MED15: variants seen among roughly 807,000 people sequenced by gnomAD.
MED15 encodes the protein mediator complex subunit 15.
MED15 carries 41 observed loss-of-function variants against 118.7 expected under a neutral mutation model. The observed-to-expected ratio is 0.35, with a 90% confidence interval of 0.27 to 0.45. MED15 has a LOEUF of 0.45. Among genes scored for constraint, MED15 ranks in the 20% least tolerant of loss-of-function variants. The pLI is 1.00. For synonymous variants in MED15, 436 were observed against 413.9 expected, an observed-to-expected ratio of 1.05 and a Z score of -0.65; for missense variants, 740 against 1,025.5, an observed-to-expected ratio of 0.72 and a Z score of 3.80.
intron 8 of MED15, among the ~76,000 whole-genome samples, chr22:20,572,283 G>A (rs1390517810): frequency 1.3e-5 from 2 of 152,222 alleles, no homozygotes; most frequent in East Asian, 1.9e-4. Context: ...TGGTGACCAC[G>A]TGTTGCAGCT....
intron 17 of MED15, 66 bp downstream of exon 17, chr22:20,585,892 C>T: frequency 6.8e-7 from 1 of 1,475,960 alleles, no homozygotes. Flanking sequence ...GAAAACCAGG[C>T]TTCCACTGCA....
chr22:20,517,509 C>T (rs953663015), intron 1 of MED15, among the ~76,000 whole-genome samples: 2 of 152,172 alleles, frequency 1.3e-5, no homozygotes, highest in African/African-American at 4.8e-5. Flanking sequence ...CTGCTGCCCC[C>T]ACCACCCTGC....
chr22:20,534,001 G>A (rs909358432), intron 1 of MED15, among the ~76,000 whole-genome samples: 2 of 152,104 alleles, frequency 1.3e-5, no homozygotes, highest in Non-Finnish European at 2.9e-5. Context: ...TCTCAAAAAC[G>A]GCCAGTAGCA....
At chr22:20,566,228 C>A (rs1159032263) in intron 6 of MED15, among the ~76,000 whole-genome samples, 2 of 151,824 alleles carry the variant, frequency 1.3e-5, no homozygotes, top group East Asian at 3.9e-4. Flanking sequence ...TTAGTAGAGA[C>A]GGGGTTTCGC....
At chr22:20,554,799 T>G in intron 4 of MED15, 137 bp from the exon 5 acceptor site, 1 of 817,626 alleles carries the variant, frequency 1.2e-6, no homozygotes. Context: ...AGGAGCCTAG[T>G]CTCTTACTGC....
chr22:20,520,366 G>A (rs545740268), intron 1 of MED15, among the ~76,000 whole-genome samples: 1 of 152,218 alleles, frequency 6.6e-6, no homozygotes, highest in Non-Finnish European at 1.5e-5. Context: ...AGCCCCTGTT[G>A]TGAAGTAGAA....
intron 1 of MED15, chr22:20,508,199 G>A: frequency 8.2e-7 from 1 of 1,221,596 alleles, no homozygotes; most frequent in Non-Finnish European, 1.1e-6. Context: ...TGGGAAGGTA[G>A]TTGTTTGGGG....
intron 2 of MED15, among the ~76,000 whole-genome samples, chr22:20,546,522 T>G (rs1215317162): frequency 6.6e-6 from 1 of 150,950 alleles, no homozygotes; most frequent in African/African-American, 2.4e-5. Context: ...TTTTTTTTTT[T>G]TTGTCAAGAA....
At chr22:20,548,904 T>G (rs1419892099) in intron 2 of MED15, among the ~76,000 whole-genome samples, 2 of 152,176 alleles carry the variant, frequency 1.3e-5, no homozygotes, top group African/African-American at 4.8e-5. Flanking sequence ...TCTCCCAGGC[T>G]CAAGCCTCAG....
At chr22:20,530,535 T>C (rs1440790318) in intron 1 of MED15, among the ~76,000 whole-genome samples, 1 of 144,438 alleles carries the variant, frequency 6.9e-6, no homozygotes, top group Non-Finnish European at 1.5e-5. Context: ...CATTCAGCAA[T>C]GGGAAAGCAG....
chr22:20,516,679 C>T (rs539744717), intron 1 of MED15, among the ~76,000 whole-genome samples: 8 of 148,456 alleles, frequency 5.4e-5, no homozygotes, highest in East Asian at 1.9e-4. Flanking sequence ...ACCATGACCA[C>T]GTGATTATCT....
intron 2 of MED15, among the ~76,000 whole-genome samples, chr22:20,544,221 C>T (rs77937663): frequency 0.015 from 2,328 of 152,286 alleles, 60 homozygotes; most frequent in African/African-American, 0.054. Context: ...TAGGCCTTTT[C>T]TATCATGCTT....
At chr22:20,569,625 G>A (rs900256743) in intron 8 of MED15, among the ~76,000 whole-genome samples, 1 of 149,366 alleles carries the variant, frequency 6.7e-6, no homozygotes, top group African/African-American at 2.4e-5. Context: ...TAAGTCCCTG[G>A]GAAGCTGCCT....
chr22:20,537,087 G>T, intron 1 of MED15, 30 bp from the exon 2 acceptor site: 2 of 1,604,448 alleles, frequency 1.2e-6, no homozygotes, highest in Non-Finnish European at 1.7e-6. Context: ...ACTGGTGTGT[G>T]CAAACGTCTC....
At position 20,543,263 on chromosome 22, in the gene MED15, G is replaced by A. The variant is rs561792415; in HGVS notation, c.156+6059G>A. On this transcript the variant is annotated intron_variant, in intron 2 of 17. Transcript: ENST00000263205. Reference sequence around the variant, plus strand: ...GTCTCACTCTCTCGCCCAGGCTGGAGTGCAGTGGCGTGATCTCAGGTCATT... The same window carrying A: ...GTCTCACTCTCTCGCCCAGGCTGGAATGCAGTGGCGTGATCTCAGGTCATT... 1.7e-4 allele frequency among the ~76,000 whole-genome samples: 23 copies of A among 138,178 alleles called. 1 individual carries two copies. Among genetic ancestry groups the A allele is most frequent in the African/African-American group, 6.4e-4 (23 of 35,756 alleles). 90.7% of individuals were successfully genotyped at this position (138,178 alleles called of 152,430 possible).
At position 20,554,979 on chromosome 22, in the gene MED15, G is replaced by A. The variant is rs759898076; in HGVS notation, c.282G>A (p.Ala94=). ...ALQSLTGGPA[A]GAAGIGMPPR... ...AGAGCCTGACTGGCGGACCTGCTGCGGGAGCCGCTGGAATTGGCATGCCTC... is the reference window on the plus strand; with the variant it reads ...AGAGCCTGACTGGCGGACCTGCTGCAGGAGCCGCTGGAATTGGCATGCCTC... Residue 94 remains alanine (A), a synonymous_variant, in exon 5 of 18, where the codon GCG becomes GCA. Coordinates refer to ENST00000263205, the MANE Select transcript of MED15 (RefSeq NM_001003891.3). 13 of 1,610,854 alleles carry A rather than the reference G, an allele frequency of 8.1e-6. No individual in the cohort carries two copies. Among genetic ancestry groups the A allele is most frequent in the African/African-American group, 1.3e-5 (1 of 75,024 alleles).
At chr22:20,532,867 G>A (rs1262455454) in intron 1 of MED15, among the ~76,000 whole-genome samples, 2 of 152,190 alleles carry the variant, frequency 1.3e-5, no homozygotes, top group Admixed American at 1.3e-4. Context: ...CGTCTTCCCG[G>A]CTTGCTTGTG....
intron 1 of MED15, chr22:20,522,203 T>C (rs1027613593): frequency 2.0e-5 from 3 of 152,236 alleles, no homozygotes; most frequent in Non-Finnish European, 4.4e-5. Flanking sequence ...CTCTGGGCTG[T>C]GCACCTAGAA....
At position 20,568,507 on chromosome 22, in the gene MED15, C is replaced by T; in HGVS notation, c.1042-14C>T. The T allele has an allele frequency of 1.9e-6, 3 of 1,612,684 alleles. No individual in the cohort carries two copies. The highest frequency in any genetic ancestry group is 1.7e-6 in the Non-Finnish European group (2 of 1,179,700). On this transcript the variant is annotated splice_polypyrimidine_tract_variant and intron_variant, in intron 7 of 17. Coordinates refer to ENST00000263205, the MANE Select transcript of MED15 (RefSeq NM_001003891.3). ...CAGGTGGTTCCAAATCACATTCTCT[C>T]TTTCTCCCTCAAGGTCCGAGCTCCG...
Sources: allele counts gnomAD v4.1 joint callset (sites outside exome capture counted in the v4.1 genomes callset), GRCh38; gene constraint gnomAD v4.1.1; transcripts MANE v1.5; gene names NCBI Gene and HGNC (gene_info 2026-07-23, HGNC 2026-07-21).